LRRC3B: variants seen among roughly 807,000 people sequenced by gnomAD.
The protein encoded by LRRC3B is leucine-rich repeat-containing protein 3B.
Under a neutral mutation model 12.8 loss-of-function variants are expected in LRRC3B, and 2 were observed. That is an observed-to-expected ratio of 0.16 (90% CI 0.06 to 0.49). The LOEUF (loss-of-function observed/expected upper bound fraction) is 0.49. Ranked by LOEUF, LRRC3B falls within the 20% of genes least tolerant of loss-of-function variation. The pLI is 0.96. For synonymous variants in LRRC3B, 132 were observed against 122.0 expected (o/e 1.08, Z -0.54); for missense variants, 189 against 319.4 (o/e 0.59, Z 3.11).
chr3:26,682,072 G>A (rs1490916249), intron 1 of LRRC3B, among the ~76,000 whole-genome samples: 3 of 151,930 alleles, frequency 2.0e-5, no homozygotes, highest in African/African-American at 7.3e-5. Flanking sequence ...TATGAATGTG[G>A]TCTCTCCCTC....
intron 1 of LRRC3B, among the ~76,000 whole-genome samples, chr3:26,628,333 C>A (rs545504842): frequency 6.8e-6 from 1 of 147,666 alleles, no homozygotes; most frequent in African/African-American, 2.5e-5. Flanking sequence ...AAAAAATAAT[C>A]AAGATTCGGA....
chr3:26,699,532 A>C (rs559833148), intron 1 of LRRC3B, among the ~76,000 whole-genome samples: 2 of 152,178 alleles, frequency 1.3e-5, no homozygotes, highest in Non-Finnish European at 2.9e-5. Flanking sequence ...CAACCCAGTG[A>C]ATATTATTAC....
rs374321936 is a variant in LRRC3B at position 26,630,259 on chromosome 3, CACATTAA to C, written c.-161+7023_-161+7029del. Among the ~76,000 whole-genome samples the C allele has an allele frequency of 2.7e-3, 413 of 152,266 alleles. 3 individuals are homozygous for C. Among genetic ancestry groups the C allele is most frequent in the African/African-American group, 9.6e-3 (397 of 41,556 alleles). ...GTCTCTTTCTCACATATCAGAGTGC[CACATTAA>C]TGTGGCTTTATCAATCTCCAGGCCA... is the stretch of plus-strand genomic sequence containing the variant. On this transcript the variant is annotated intron_variant, in intron 1 of 1. Coordinates refer to ENST00000396641, the Ensembl canonical transcript of LRRC3B.
chr3:26,692,313 A>G (rs575608321), intron 1 of LRRC3B, among the ~76,000 whole-genome samples: 22 of 152,298 alleles, frequency 1.4e-4, no homozygotes, highest in African/African-American at 5.1e-4. Flanking sequence ...CCTGGTCTTA[A>G]CCCCTGGACT....
chr3:26,686,291 G>A (rs1446342034), intron 1 of LRRC3B, among the ~76,000 whole-genome samples: 10 of 152,140 alleles, frequency 6.6e-5, no homozygotes, highest in Non-Finnish European at 1.5e-4. Flanking sequence ...ATGTTAGCCA[G>A]GATTGTCTCG....
At chr3:26,668,587 G>A (rs1304656588) in intron 1 of LRRC3B, among the ~76,000 whole-genome samples, 1 of 152,168 alleles carries the variant, frequency 6.6e-6, no homozygotes, top group Non-Finnish European at 1.5e-5. Flanking sequence ...AAGAATCTGG[G>A]TTTTTAAGTT....
At chr3:26,669,696 T>C (rs1328304008) in intron 1 of LRRC3B, among the ~76,000 whole-genome samples, 2 of 152,254 alleles carry the variant, frequency 1.3e-5, no homozygotes, top group Admixed American at 1.3e-4. Context: ...AAAGCTATTT[T>C]ATACTTCATT....
chr3:26,669,680 A>G (rs1699680169), intron 1 of LRRC3B, among the ~76,000 whole-genome samples: 1 of 152,250 alleles, frequency 6.6e-6, no homozygotes, highest in African/African-American at 2.4e-5. Context: ...TTTGCCATTT[A>G]AAGAAAAAGC....
intron 1 of LRRC3B, among the ~76,000 whole-genome samples, chr3:26,668,042 A>T (rs1287725571): frequency 3.3e-5 from 5 of 152,158 alleles, no homozygotes; most frequent in Non-Finnish European, 7.3e-5. Context: ...TTTTGGACAT[A>T]TAATTTTCAG....
chr3:26,652,144 G>T (rs1575128644), intron 1 of LRRC3B, among the ~76,000 whole-genome samples: 3 of 152,278 alleles, frequency 2.0e-5, no homozygotes, highest in Admixed American at 2.0e-4. Flanking sequence ...CCCATGAAAT[G>T]GAAGAAAAGT....
At chr3:26,705,254 C>A (rs1240624699) in intron 1 of LRRC3B, among the ~76,000 whole-genome samples, 1 of 152,092 alleles carries the variant, frequency 6.6e-6, no homozygotes, top group African/African-American at 2.4e-5. Flanking sequence ...TGCGCAGTAA[C>A]CTGGATGGCA....
intron 1 of LRRC3B, among the ~76,000 whole-genome samples, chr3:26,682,598 T>C (rs1161310495): frequency 5.9e-5 from 9 of 152,206 alleles, no homozygotes; most frequent in Admixed American, 6.5e-5. Flanking sequence ...TGGGAAAGTA[T>C]GTTTCCTGGC....
chr3:26,695,440 T>A (rs763765237), intron 1 of LRRC3B, among the ~76,000 whole-genome samples: 1 of 152,110 alleles, frequency 6.6e-6, no homozygotes, highest in Non-Finnish European at 1.5e-5. Context: ...GGCAGGAGAA[T>A]GGCGTGAAAC....
At chr3:26,705,350 T>G (rs1305193396) in intron 1 of LRRC3B, among the ~76,000 whole-genome samples, 5 of 151,902 alleles carry the variant, frequency 3.3e-5, no homozygotes, top group African/African-American at 9.7e-5. Flanking sequence ...CTAGAAATAT[T>G]ACGGCTTCTG....
intron 1 of LRRC3B, among the ~76,000 whole-genome samples, chr3:26,626,536 T>C (rs1198391570): frequency 1.3e-5 from 2 of 152,234 alleles, no homozygotes; most frequent in African/African-American, 4.8e-5. Context: ...CACTGCCTTT[T>C]GACCCTTGCT....
At chr3:26,672,981 G>T (rs1259904891) in intron 1 of LRRC3B, among the ~76,000 whole-genome samples, 1 of 152,124 alleles carries the variant, frequency 6.6e-6, no homozygotes, top group Non-Finnish European at 1.5e-5. Context: ...GGCGAAGTAG[G>T]TTTATTTATT....
At chr3:26,633,846 CT>C (rs900387310) in intron 1 of LRRC3B, among the ~76,000 whole-genome samples, 2 of 152,070 alleles carry the variant, frequency 1.3e-5, no homozygotes, top group Admixed American at 6.5e-5. Context: ...CCTTTTAGTC[CT>C]TTTTTTAAAA....
intron 1 of LRRC3B, among the ~76,000 whole-genome samples, chr3:26,631,596 T>A (rs1698758813): frequency 6.6e-6 from 1 of 151,784 alleles, no homozygotes; most frequent in Non-Finnish European, 1.5e-5. Context: ...AGAATGTCCC[T>A]GTCTTGGAAA....
intron 1 of LRRC3B, among the ~76,000 whole-genome samples, chr3:26,671,369 T>TAGAGAGAGAGAGAG (rs773929815): frequency 9.4e-4 from 36 of 38,190 alleles, no homozygotes; most frequent in Admixed American, 2.3e-3. Context: ...TATATATATA[T>TAGAGAGAGAGAGAG]ATATAGAGAG....
Sources: gnomAD v4.1 joint callset for allele counts (sites outside exome capture counted in the v4.1 genomes callset) on GRCh38, gnomAD v4.1.1 for gene constraint, MANE v1.5 for transcripts, NCBI Gene and HGNC (gene_info 2026-07-23, HGNC 2026-07-21) for gene names.